NWD2: variants seen among roughly 807,000 people sequenced by gnomAD.
The protein encoded by NWD2 is NACHT and WD repeat domain-containing protein 2.
Under a neutral mutation model 132.7 loss-of-function variants are expected in NWD2, and 37 were observed. That is an observed-to-expected ratio of 0.28 (90% CI 0.21 to 0.37). NWD2 has a LOEUF of 0.37. Ranked by LOEUF, NWD2 falls within the 10% of genes least tolerant of loss-of-function variation. NWD2 has a pLI of 1.00. For missense variants in NWD2, 1,592 were observed against 2,122.4 expected, an observed-to-expected ratio of 0.75 and a Z score of 4.91; for synonymous variants, 705 against 803.0, an observed-to-expected ratio of 0.88 and a Z score of 2.06.
intron 3 of NWD2, among the ~76,000 whole-genome samples, chr4:37,375,629 G>C (rs1904473): frequency 0.83 from 124,420 of 149,760 alleles, 53,812 homozygotes; most frequent in Middle Eastern, 0.95. Flanking sequence ...AGTGCAGTGG[G>C]GCGATCTCGG....
At chr4:37,377,688 G>C (rs964361793) in intron 3 of NWD2, among the ~76,000 whole-genome samples, 1 of 152,156 alleles carries the variant, frequency 6.6e-6, no homozygotes. Flanking sequence ...CCGAGATCAC[G>C]CCGTTGCACT....
At chr4:37,384,377 G>C (rs1409120108) in intron 3 of NWD2, among the ~76,000 whole-genome samples, 3 of 152,024 alleles carry the variant, frequency 2.0e-5, no homozygotes, top group Non-Finnish European at 4.4e-5. Flanking sequence ...TAAGCCCTTG[G>C]GTTTGTAATA....
chr4:37,339,310 C>T (rs1329680788), intron 2 of NWD2, among the ~76,000 whole-genome samples: 1 of 152,198 alleles, frequency 6.6e-6, no homozygotes, highest in Non-Finnish European at 1.5e-5. Flanking sequence ...AATATCAGCT[C>T]ACCATTTCTG....
chr4:37,270,640 A>T (rs192727497), intron 1 of NWD2, among the ~76,000 whole-genome samples: 14 of 151,886 alleles, frequency 9.2e-5, no homozygotes, highest in Admixed American at 7.9e-4. Context: ...ATTGATTGGT[A>T]GGATTGTTTA....
rs569100480 is a variant in NWD2 at position 37,445,686 on chromosome 4, G to A, written c.3698G>A (p.Arg1233His). The A allele has an allele frequency of 4.0e-5, 62 of 1,552,008 alleles. No homozygotes were observed. In the African/African-American group the frequency reaches 6.3e-4, roughly 16 times the overall value. Residue 1233 changes from arginine to histidine, a missense_variant, in exon 7 of 7, where the codon CGC (arginine) becomes CAC (histidine). By Grantham distance (29) the Arg-to-His change is conservative. Coordinates refer to ENST00000309447, the MANE Select transcript of NWD2 (RefSeq NM_001144990.2). The surrounding 1 kb of genome is among the most constrained non-coding windows in gnomAD (Gnocchi z 4.7). ...AAGTTCAGAGCCAAGCACAACGAAC[G>A]CTTTATATCTGCCGTGCTGTCTAAA... ...AEKFRAKHNE[R>H]FISAVLSKNG...
At chr4:37,289,787 T>A (rs577050660) in intron 1 of NWD2, among the ~76,000 whole-genome samples, 1 of 152,308 alleles carries the variant, frequency 6.6e-6, no homozygotes, top group East Asian at 1.9e-4. Flanking sequence ...ATTTCCTTCA[T>A]ATCCCCTCCT....
Position 37,439,111 on chromosome 4 carries a change from C to G in NWD2, c.1017C>G (p.Ile339Met). The change falls in exon 6 of 7, where the codon ATC becomes ATG. Residue 339 changes from isoleucine to methionine, a missense_variant. Coordinates refer to ENST00000309447, the MANE Select transcript of NWD2 (RefSeq NM_001144990.2). This position sits in a 1 kb window ranked among gnomAD's most constrained non-coding sequence, Gnocchi z 4.5. ...CCCAAGAAATAGAAAATCATTACAT[C>G]GAAGGACTTGGTAAACAATTTTATG... ...GYSQEIENHY[I>M]EGLGKQFYED... is the part of the protein sequence containing the mutation. The G allele has an allele frequency of 6.4e-7, 1 of 1,551,744 alleles. No homozygotes were observed. Among genetic ancestry groups the G allele is most frequent in the Non-Finnish European group, 8.7e-7 (1 of 1,146,978 alleles).
chr4:37,337,441 A>G (rs1329367686), intron 2 of NWD2, among the ~76,000 whole-genome samples: 1 of 152,144 alleles, frequency 6.6e-6, no homozygotes, highest in Non-Finnish European at 1.5e-5. Context: ...TGTGTAAGGA[A>G]GTGAGAGAAA....
At chr4:37,407,930 G>A (rs561734005) in intron 3 of NWD2, among the ~76,000 whole-genome samples, 6 of 152,164 alleles carry the variant, frequency 3.9e-5, no homozygotes, top group Non-Finnish European at 7.3e-5. Context: ...AGTGCATGGG[G>A]TCAGGGAATT....
intron 3 of NWD2, among the ~76,000 whole-genome samples, chr4:37,390,976 TGTTCATTTAGA>T (rs1391238409): frequency 6.6e-6 from 1 of 152,252 alleles, no homozygotes; most frequent in Non-Finnish European, 1.5e-5. Flanking sequence ...ATCTGTTAAG[TGTTCATTTAGA>T]GTTCATTAAA....
chr4:37,356,486 G>T lies in NWD2; in HGVS notation c.357+4G>T. Reference sequence around the variant, plus strand: ...TTCTGCAGGTCCATGTTTTGTTGTGGGTATAAAAAAACTAATGCTTTATAT... The same window carrying T: ...TTCTGCAGGTCCATGTTTTGTTGTGTGTATAAAAAAACTAATGCTTTATAT... On this transcript the variant is annotated splice_donor_region_variant and intron_variant, in intron 3 of 6. Transcript: ENST00000309447. The T allele has an allele frequency of 6.6e-7, 1 of 1,515,330 alleles. No individual in the cohort carries two copies. The highest frequency in any genetic ancestry group is 9.0e-7 in the Non-Finnish European group (1 of 1,114,954). 93.9% of individuals were successfully genotyped at this position (1,515,330 alleles called of 1,614,324 possible).
At chr4:37,310,107 G>C (rs1415198544) in intron 1 of NWD2, among the ~76,000 whole-genome samples, 2 of 152,008 alleles carry the variant, frequency 1.3e-5, no homozygotes, top group East Asian at 3.9e-4. Context: ...CCTATACTTT[G>C]TCTCCAATCT....
At chr4:37,328,499 G>GTT (rs1719222031) in intron 2 of NWD2, among the ~76,000 whole-genome samples, 1 of 152,002 alleles carries the variant, frequency 6.6e-6, no homozygotes, top group Non-Finnish European at 1.5e-5. Flanking sequence ...ACGGTGTTTG[G>GTT]TTTTCTGTTC....
chr4:37,258,044 C>T (rs1717555116), intron 1 of NWD2, among the ~76,000 whole-genome samples: 1 of 152,176 alleles, frequency 6.6e-6, no homozygotes, highest in African/African-American at 2.4e-5. Context: ...CATAAAAGTT[C>T]ATATATCATT....
At chr4:37,380,848 CTATT>C (rs1427949982) in intron 3 of NWD2, among the ~76,000 whole-genome samples, 2 of 152,256 alleles carry the variant, frequency 1.3e-5, no homozygotes, top group South Asian at 2.1e-4. Flanking sequence ...TTCTGACAAA[CTATT>C]TAAGATAAAC....
intron 3 of NWD2, among the ~76,000 whole-genome samples, chr4:37,418,171 A>G (rs1340906925): frequency 6.6e-6 from 1 of 152,102 alleles, no homozygotes; most frequent in African/African-American, 2.4e-5. Context: ...GAAGGGTGGT[A>G]AGTCAAAGGG....
At chr4:37,415,686 AG>A (rs1201938423) in intron 3 of NWD2, among the ~76,000 whole-genome samples, 1 of 144,678 alleles carries the variant, frequency 6.9e-6, no homozygotes, top group East Asian at 2.1e-4. Flanking sequence ...CCTGGGCAAC[AG>A]TGCAAGACTC....
At chr4:37,333,868 T>G (rs557203359) in intron 2 of NWD2, among the ~76,000 whole-genome samples, 1 of 152,048 alleles carries the variant, frequency 6.6e-6, no homozygotes, top group Non-Finnish European at 1.5e-5. Context: ...ACTTAACAAA[T>G]AAATTGGTAT....
At chr4:37,267,175 G>C (rs1035928906) in intron 1 of NWD2, among the ~76,000 whole-genome samples, 2 of 151,974 alleles carry the variant, frequency 1.3e-5, no homozygotes, top group African/African-American at 2.4e-5. Flanking sequence ...TGACTGTACG[G>C]CTAGAAATAA....
Sources: gnomAD v4.1 joint callset for allele counts (sites outside exome capture counted in the v4.1 genomes callset) on GRCh38, gnomAD v4.1.1 for gene constraint, Gnocchi (gnomAD v3.1) non-coding constraint, MANE v1.5 for transcripts, NCBI Gene and HGNC (gene_info 2026-07-23, HGNC 2026-07-21) for gene names.